The following LRP1B variants were observed in gnomAD, a reference collection of about 807,000 sequenced individuals.
LRP1B encodes the protein LDL receptor related protein 1B, also known as low-density lipoprotein receptor-related protein 1B.
A neutral mutation model predicts 556.6 loss-of-function variants in LRP1B; 217 were observed. That is an observed-to-expected ratio of 0.39 (90% CI 0.35 to 0.44). The LOEUF is 0.44. LRP1B is among the 20% of genes least tolerant of loss of function. The pLI, the probability that LRP1B is intolerant of heterozygous loss-of-function variation, is 1.00. For missense variants in LRP1B, 5,053 were observed against 5,620.8 expected, an observed-to-expected ratio of 0.90 and a Z score of 3.23; for synonymous variants, 2,047 against 1,865.8, an observed-to-expected ratio of 1.10 and a Z score of -2.50.
chr2:141,345,688 A>G (rs1202078389), intron 3 of LRP1B, among the ~76,000 whole-genome samples: 1 of 148,560 alleles, frequency 6.7e-6, no homozygotes, highest in Non-Finnish European at 1.5e-5. Context: ...TACTTTTTAT[A>G]AAAACAGGGT....
chr2:140,966,943 T>C (rs1387724505), intron 18 of LRP1B, among the ~76,000 whole-genome samples: 1 of 152,182 alleles, frequency 6.6e-6, no homozygotes, highest in Non-Finnish European at 1.5e-5. Flanking sequence ...TTGGTTACTG[T>C]AGACTTGTAG....
At chr2:141,879,001 T>A (rs1698865885) in intron 1 of LRP1B, among the ~76,000 whole-genome samples, 1 of 151,950 alleles carries the variant, frequency 6.6e-6, no homozygotes, top group Non-Finnish European at 1.5e-5. Flanking sequence ...TACATAAATA[T>A]ACGTAACTAA....
At chr2:140,458,720 TATCAA>T (rs1687200936) in intron 60 of LRP1B, among the ~76,000 whole-genome samples, 1 of 152,094 alleles carries the variant, frequency 6.6e-6, no homozygotes, top group East Asian at 1.9e-4. Context: ...ACTGAAAAAC[TATCAA>T]AATTTCAAAT....
intron 41 of LRP1B, among the ~76,000 whole-genome samples, chr2:140,685,358 C>G (rs2105386719): frequency 6.6e-6 from 1 of 152,236 alleles, no homozygotes; most frequent in South Asian, 2.1e-4. Flanking sequence ...AGGCCTTGTT[C>G]CAACCAGCAT....
At chr2:141,888,335 T>G (rs536778728) in intron 1 of LRP1B, among the ~76,000 whole-genome samples, 111 of 152,268 alleles carry the variant, frequency 7.3e-4, no homozygotes, top group African/African-American at 2.6e-3. Flanking sequence ...ACCTGAGAAG[T>G]GTGAAGAGGA....
intron 31 of LRP1B, among the ~76,000 whole-genome samples, chr2:140,825,008 C>T (rs1691454817): frequency 6.6e-6 from 1 of 152,062 alleles, no homozygotes; most frequent in Admixed American, 6.6e-5. Flanking sequence ...TGGTGCTTCT[C>T]TTTTAGTTGA....
At chr2:141,141,270 TTAGAG>T (rs1260038858) in intron 7 of LRP1B, among the ~76,000 whole-genome samples, 1 of 152,166 alleles carries the variant, frequency 6.6e-6, no homozygotes, top group Non-Finnish European at 1.5e-5. Context: ...TTTCTTGATC[TTAGAG>T]AAGACTGAAA....
intron 3 of LRP1B, among the ~76,000 whole-genome samples, chr2:141,317,540 T>G (rs529101630): frequency 6.6e-6 from 1 of 152,184 alleles, no homozygotes; most frequent in Admixed American, 6.5e-5. Context: ...CATTAGGAGT[T>G]AGGACTTCAA....
chr2:140,869,045 T>G (rs1693042371), intron 25 of LRP1B, among the ~76,000 whole-genome samples: 1 of 152,024 alleles, frequency 6.6e-6, no homozygotes, highest in African/African-American at 2.4e-5. Flanking sequence ...ACCCACTCTC[T>G]CTTAATTGGT....
At chr2:140,609,709 T>C (rs568177056) in intron 41 of LRP1B, among the ~76,000 whole-genome samples, 1 of 152,366 alleles carries the variant, frequency 6.6e-6, no homozygotes, top group South Asian at 2.1e-4. Context: ...TTTAATTTTA[T>C]GCCAAAAACG....
intron 35 of LRP1B, among the ~76,000 whole-genome samples, chr2:140,756,011 G>A (rs72984112): frequency 6.6e-6 from 1 of 151,712 alleles, no homozygotes; most frequent in African/African-American, 2.4e-5. Context: ...CAATGTTGGA[G>A]GATAGAAGAT....
At chr2:141,698,851 T>C (rs1384701883) in intron 2 of LRP1B, among the ~76,000 whole-genome samples, 1 of 151,872 alleles carries the variant, frequency 6.6e-6, no homozygotes, top group African/African-American at 2.4e-5. Context: ...GCCCCACTCC[T>C]AATGAAATTA....
intron 83 of LRP1B, among the ~76,000 whole-genome samples, chr2:140,306,430 T>C (rs1684070005): frequency 6.6e-6 from 1 of 152,130 alleles, no homozygotes; most frequent in South Asian, 2.1e-4. Flanking sequence ...GATTTTCTAG[T>C]TTATTTGCAT....
intron 3 of LRP1B, among the ~76,000 whole-genome samples, chr2:141,264,182 CA>C (rs1259226506): frequency 6.6e-6 from 1 of 151,988 alleles, no homozygotes; most frequent in Non-Finnish European, 1.5e-5. Flanking sequence ...ACAGAAACAA[CA>C]AATGTCTACA....
chr2:141,261,494 C>G lies in LRP1B; in HGVS notation c.344-6853G>C, dbSNP rs184324414. 5.8e-4 allele frequency among the ~76,000 whole-genome samples: 89 copies of G among 152,172 alleles called. No individual in the cohort carries two copies. The East Asian group carries it at 0.013, about 23-fold the overall frequency. On this transcript the variant is annotated intron_variant, in intron 3 of 90. Coordinates refer to ENST00000389484, the MANE Select transcript of LRP1B (RefSeq NM_018557.3). ...ACAGGATCATTACCCCAAAATACCC[C>G]CTTTGCACCTCTACAGTCAACCCAT...
chr2:141,930,100 C>A (rs1163577865), intron 1 of LRP1B, among the ~76,000 whole-genome samples: 1 of 151,812 alleles, frequency 6.6e-6, no homozygotes, highest in Non-Finnish European at 1.5e-5. Context: ...CATGTCATTT[C>A]CAGGAACCCG....
intron 1 of LRP1B, among the ~76,000 whole-genome samples, chr2:141,902,906 A>C (rs1027564123): frequency 6.6e-6 from 1 of 151,982 alleles, no homozygotes; most frequent in African/African-American, 2.4e-5. Flanking sequence ...TGTCATTGAC[A>C]TTGCTTATAA....
At chr2:140,235,895 A>T (rs911029373) in intron 89 of LRP1B, among the ~76,000 whole-genome samples, 1 of 151,046 alleles carries the variant, frequency 6.6e-6, no homozygotes, top group Non-Finnish European at 1.5e-5. Context: ...TTTATTCCTA[A>T]GAAAAATGCA....
intron 21 of LRP1B, among the ~76,000 whole-genome samples, chr2:140,912,920 T>G (rs978141855): frequency 1.3e-5 from 2 of 151,798 alleles, no homozygotes; most frequent in African/African-American, 4.8e-5. Context: ...CTGAAATAGA[T>G]CTACCTTTTT....
Sources: gnomAD v4.1 joint callset for allele counts (sites outside exome capture counted in the v4.1 genomes callset) on GRCh38, gnomAD v4.1.1 for gene constraint, MANE v1.5 for transcripts, NCBI Gene and HGNC (gene_info 2026-07-23, HGNC 2026-07-21) for gene names.